Variants in FAT4 observed in about 807,000 individuals in gnomAD.
The protein encoded by FAT4 is protocadherin Fat 4.
A neutral mutation model predicts 303.9 loss-of-function variants in FAT4; 84 were observed. The observed-to-expected ratio is 0.28, with a 90% CI of 0.23 to 0.33. FAT4 has a LOEUF of 0.33. Ranked by LOEUF, FAT4 falls within the 10% of genes least tolerant of loss-of-function variation. FAT4 has a pLI of 1.00. For synonymous variants in FAT4, 2,307 were observed against 2,298.8 expected (o/e 1.00, Z -0.10); for missense variants, 6,005 against 6,146.8 (o/e 0.98, Z 0.77).
At chr4:125,378,931 A>G (rs1273860861) in intron 2 of FAT4, among the ~76,000 whole-genome samples, 1 of 152,104 alleles carries the variant, frequency 6.6e-6, no homozygotes, top group Non-Finnish European at 1.5e-5. Context: ...TAAAACATTT[A>G]TGAAAATTGC....
intron 11 of FAT4, among the ~76,000 whole-genome samples, chr4:125,463,907 A>G (rs1202088006): frequency 6.6e-6 from 1 of 152,112 alleles, no homozygotes; most frequent in Non-Finnish European, 1.5e-5. Flanking sequence ...TATTGTTTCC[A>G]TAGGATATTT....
rs187314915 is a variant in FAT4, at chr4:125,375,875, A to C, written c.5176-22909A>C. Among the ~76,000 whole-genome samples the C allele has an allele frequency of 1.6e-3, 240 of 152,298 alleles. 2 individuals carry two copies. Among genetic ancestry groups the C allele is most frequent in the Admixed American group, 5.6e-3 (86 of 15,296 alleles). On this transcript the variant is annotated intron_variant, in intron 2 of 17. Transcript: ENST00000394329. The stretch of plus-strand genomic sequence containing the variant: ...AAACCTATTCTTATGATTACAATAT[A>C]TTTACCTGACATTATGCAAAACTGC...
In FAT4 at chr4:125,481,623, G is replaced by A. The variant is rs1369507505; in HGVS notation, c.12707G>A (p.Arg4236Gln). ...KREYLLRQSL[R>Q]GAMLEPFGVN... ...GAATATTTGTTAAGGCAAAGCTTAC[G>A]AGGTGCCATGTTGGAGCCTTTTGGT... Residue 4236 changes from arginine (R) to glutamine (Q), a missense_variant, in exon 16 of 18, where the codon CGA becomes CAA. Transcript: ENST00000394329. 12 of 1,613,956 alleles carry A rather than the reference G, an allele frequency of 7.4e-6. No individual in the cohort carries two copies. The highest frequency in any genetic ancestry group is 2.2e-5 in the East Asian group (1 of 44,884).
intron 5 of FAT4, among the ~76,000 whole-genome samples, chr4:125,409,673 T>G (rs1734770355): frequency 6.6e-6 from 1 of 152,230 alleles, no homozygotes; most frequent in Non-Finnish European, 1.5e-5. Context: ...ATGTGTTTGA[T>G]TTGTATTTAT....
intron 2 of FAT4, among the ~76,000 whole-genome samples, chr4:125,355,956 A>G (rs1384569241): frequency 1.3e-5 from 2 of 152,024 alleles, no homozygotes; most frequent in African/African-American, 2.4e-5. Flanking sequence ...GCAATATCCT[A>G]TAAGTAGCAG....
rs753343947 is a variant in FAT4 at position 125,317,622 on chromosome 4, A to C, written c.1211A>C (p.Gln404Pro). 1.9e-6 allele frequency: 3 copies of C among 1,614,008 alleles called. No individual in the cohort carries two copies. Among genetic ancestry groups the C allele is most frequent in the Non-Finnish European group, 2.5e-6 (3 of 1,179,966 alleles). Residue 404 changes from glutamine to proline, a missense_variant, in exon 2 of 18, where the codon CAG (glutamine) becomes CCG (proline). By Grantham distance (76) the Gln-to-Pro change is moderately conservative. Transcript: ENST00000394329. The surrounding 1 kb of genome is among the most constrained non-coding windows in gnomAD (Gnocchi z 7.0). ...ISVQILGGNE[Q>P]RHFEVQSSKV... ...GTGCAAATTCTCGGGGGCAATGAGC[A>C]GCGCCACTTTGAAGTGCAAAGCAGC...
Position 125,451,703 on chromosome 4 carries a change from G to A in FAT4, c.10693G>A (p.Ala3565Thr). The change falls in exon 10 of 18, where the codon GCT (alanine) becomes ACT (threonine). Residue 3565 changes from alanine to threonine, a missense_variant. Coordinates refer to ENST00000394329, the MANE Select transcript of FAT4 (RefSeq NM_001291303.3). ...PATSYFSLST[A>T]GVLSTTREID... The stretch of plus-strand genomic sequence containing the variant: ...CACCAGTTATTTCAGTCTGAGCACT[G>A]CTGGAGTTCTGAGCACAACCAGAGA... The A allele has an allele frequency of 6.2e-7, 1 of 1,614,122 alleles. No homozygotes were observed.
chr4:125,430,306 T>G (rs770562359), intron 7 of FAT4, among the ~76,000 whole-genome samples: 3 of 152,136 alleles, frequency 2.0e-5, no homozygotes, highest in Non-Finnish European at 4.4e-5. Flanking sequence ...ACAAATGCAG[T>G]GAAAATAAGA....
At chr4:125,385,137 T>C (rs934112892) in intron 2 of FAT4, among the ~76,000 whole-genome samples, 7 of 151,282 alleles carry the variant, frequency 4.6e-5, no homozygotes, top group Admixed American at 1.3e-4. Flanking sequence ...TTCTTCTGCC[T>C]CAGCCTCCTG....
rs1480352695 is a variant in FAT4 at position 125,449,630 on chromosome 4, T to C, written c.8620T>C (p.Phe2874Leu). 1 of 1,613,920 alleles carries C rather than the reference T, an allele frequency of 6.2e-7. No individual in the cohort carries two copies. The highest frequency in any genetic ancestry group is 2.2e-5 in the East Asian group (1 of 44,856). Residue 2874 changes from phenylalanine (F) to leucine (L), a missense_variant, in exon 10 of 18, where the codon TTT becomes CTT. Phe to Leu is a conservative substitution (Grantham distance 22). Transcript: ENST00000394329. ...VTDINDNAPR[F>L]SRTSYYLDCP... ...AGACATCAATGACAATGCTCCAAGA[T>C]TTAGCAGAACTTCCTATTATTTAGA...
intron 2 of FAT4, among the ~76,000 whole-genome samples, chr4:125,355,966 G>A (rs570043114): frequency 3.9e-5 from 6 of 152,104 alleles, no homozygotes; most frequent in South Asian, 4.1e-4. Context: ...ATAAGTAGCA[G>A]CCCTGCTGTT....
chr4:125,463,585 C>G lies in FAT4; in HGVS notation c.11823C>G (p.Val3941=). The G allele has an allele frequency of 6.3e-7, 1 of 1,590,558 alleles. No individual in the cohort carries two copies. The highest frequency in any genetic ancestry group is 8.6e-7 in the Non-Finnish European group (1 of 1,165,776). Residue 3941 remains valine, a synonymous_variant, in exon 11 of 18, where the codon GTC becomes GTG. Transcript: ENST00000394329. ...TAGGGAAAATGTGTGAATCTTCAGT[C>G]AATTACTGTGAATGCAACCCCTGCT... The part of the protein sequence containing the change: ...GYTGKMCESS[V]NYCECNPCFN...
At chr4:125,470,668 A>G (rs938661792) in intron 12 of FAT4, among the ~76,000 whole-genome samples, 1 of 152,156 alleles carries the variant, frequency 6.6e-6, no homozygotes, top group African/African-American at 2.4e-5. Context: ...CTCAGCCTTC[A>G]TGCAATGGAA....
chr4:125,358,790 G>A lies in FAT4; in HGVS notation c.5175+37204G>A, dbSNP rs1360862220. 2.6e-5 allele frequency among the ~76,000 whole-genome samples: 4 copies of A among 152,130 alleles called. No individual in the cohort carries two copies. In the East Asian group the frequency reaches 5.8e-4, roughly 22 times the overall value. ...TTGGGGACCCCTTATCTACATCCACGTTTTCTATGTTTGTGAAGATTTGAT... is the reference window on the plus strand; with the variant it reads ...TTGGGGACCCCTTATCTACATCCACATTTTCTATGTTTGTGAAGATTTGAT... On this transcript the variant is annotated intron_variant, in intron 2 of 17. Transcript: ENST00000394329.
chr4:125,435,980 G>A (rs975409751), intron 8 of FAT4, among the ~76,000 whole-genome samples: 1 of 146,026 alleles, frequency 6.8e-6, no homozygotes, highest in East Asian at 2.1e-4. Context: ...TAGATTTGGG[G>A]CATACCTTTG....
At chr4:125,371,148 C>CAAAAAAAA (rs1197394937) in intron 2 of FAT4, among the ~76,000 whole-genome samples, 1 of 98,016 alleles carries the variant, frequency 1.0e-5, no homozygotes, top group African/African-American at 4.0e-5. Flanking sequence ...AACTCCATCT[C>CAAAAAAAA]AAAAAAAAAA....
chr4:125,345,993 A>G (rs1731985433), intron 2 of FAT4, among the ~76,000 whole-genome samples: 1 of 151,982 alleles, frequency 6.6e-6, no homozygotes, highest in Non-Finnish European at 1.5e-5. Context: ...TATAATTTTA[A>G]GTACTGCTCT....
At chr4:125,440,606 T>TGAGAGAGAGA (rs777627667) in intron 8 of FAT4, among the ~76,000 whole-genome samples, 544 of 29,508 alleles carry the variant, frequency 0.018, 4 homozygotes, top group Admixed American at 0.05. Context: ...TGTGTGTGTG[T>TGAGAGAGAGA]GTGTGAGAGA....
chr4:125,471,961 C>T (rs1726878721), intron 12 of FAT4, among the ~76,000 whole-genome samples: 2 of 140,236 alleles, frequency 1.4e-5, no homozygotes, highest in Admixed American at 1.5e-4. Flanking sequence ...CCTGTAGTCC[C>T]AGCTGCTGGG....
Sources: gnomAD v4.1 joint callset for allele counts (sites outside exome capture counted in the v4.1 genomes callset) on GRCh38, gnomAD v4.1.1 for gene constraint, Gnocchi (gnomAD v3.1) non-coding constraint, MANE v1.5 for transcripts, NCBI Gene and HGNC (gene_info 2026-07-23, HGNC 2026-07-21) for gene names.